AHCTF1: variants seen among roughly 807,000 people sequenced by gnomAD.
AHCTF1 encodes AT-hook containing transcription factor 1.
A neutral mutation model predicts 248.4 loss-of-function variants in AHCTF1; 24 were observed. The observed-to-expected ratio is 0.10, with a 90% confidence interval of 0.07 to 0.14. The LOEUF (loss-of-function observed/expected upper bound fraction) is 0.14. AHCTF1 is among the 10% of genes least tolerant of loss of function. AHCTF1 has a pLI of 1.00. For missense variants in AHCTF1, 2,206 were observed against 2,636.2 expected (o/e 0.84, Z 3.57); for synonymous variants, 786 against 929.8 (o/e 0.85, Z 2.81).
At chr1:246,893,689 C>T (rs1664371517) in intron 14 of AHCTF1, among the ~76,000 whole-genome samples, 1 of 152,158 alleles carries the variant, frequency 6.6e-6, no homozygotes, top group Non-Finnish European at 1.5e-5. Context: ...CATTTTTACC[C>T]TGCCATTCAA....
At chr1:246,916,517 T>G (rs528135003) in intron 2 of AHCTF1, 122 bp from the exon 3 acceptor site, 3 of 880,394 alleles carry the variant, frequency 3.4e-6, no homozygotes, top group Non-Finnish European at 5.2e-6. Flanking sequence ...ATCTCCACAT[T>G]GAAATCTTTT....
In AHCTF1 at chr1:246,873,342, T is replaced by C. The variant is rs797012157; in HGVS notation, c.3088+2695A>G. ...TTTTATTACTGTGGCTGATGGTCTC[T>C]GGAAAGACAATTCACTAGTCAATTT... On this transcript the variant is annotated intron_variant, in intron 24 of 35. Transcript: ENST00000648844. Among the ~76,000 whole-genome samples, 3 of 151,348 alleles carry C rather than the reference T, an allele frequency of 2.0e-5. No individual in the cohort carries two copies. The South Asian group carries it at 6.2e-4, about 31-fold the overall frequency.
chr1:246,906,661 C>T (rs1665417191), intron 5 of AHCTF1, among the ~76,000 whole-genome samples: 1 of 152,038 alleles, frequency 6.6e-6, no homozygotes, highest in African/African-American at 2.4e-5. Context: ...AGATAAATTA[C>T]TCAATAAAAT....
intron 24 of AHCTF1, among the ~76,000 whole-genome samples, chr1:246,870,126 A>G (rs764195885): frequency 6.6e-6 from 1 of 152,180 alleles, no homozygotes; most frequent in Non-Finnish European, 1.5e-5. Context: ...GATATGGGGG[A>G]AAGAGCAAGA....
rs185087376 is a variant in AHCTF1, at chr1:246,876,971, T to C, written c.2916A>G (p.Gln972=). The part of the protein sequence containing the change: ...ANYVPALKLN[Q]TLKINVMNDR... ...GTACCATAACATTAATCTTCAGAGT[T>C]TGGTTCAGCTTCAAGGCAGGCACAT... The change falls in exon 23 of 36, where the codon CAA becomes CAG. Residue 972 remains glutamine (Q), a synonymous_variant. Transcript: ENST00000648844. 1.2e-6 allele frequency: 2 copies of C among 1,611,980 alleles called. No individual in the cohort carries two copies. Among genetic ancestry groups the C allele is most frequent in the Admixed American group, 1.7e-5 (1 of 60,020 alleles).
chr1:246,873,007 TC>T (rs971692951), intron 24 of AHCTF1, among the ~76,000 whole-genome samples: 1 of 152,082 alleles, frequency 6.6e-6, no homozygotes, highest in African/African-American at 2.4e-5. Context: ...CTCACTCTTC[TC>T]CTAAGTTTCA....
At chr1:246,918,047 C>CTA (rs1468368492) in intron 2 of AHCTF1, among the ~76,000 whole-genome samples, 2 of 152,078 alleles carry the variant, frequency 1.3e-5, no homozygotes, top group African/African-American at 4.8e-5. Context: ...GAAAAATTAA[C>CTA]TATAACCCCC....
At chr1:246,887,159 T>C in intron 20 of AHCTF1, 52 bp downstream of exon 20, 1 of 1,541,274 alleles carries the variant, frequency 6.5e-7, no homozygotes, top group East Asian at 2.3e-5. Flanking sequence ...ATGTGTATTT[T>C]CTAAAATTCT....
intron 3 of AHCTF1, among the ~76,000 whole-genome samples, chr1:246,913,659 C>A (rs749273645): frequency 6.6e-6 from 1 of 152,170 alleles, no homozygotes; most frequent in African/African-American, 2.4e-5. Flanking sequence ...CTTACTGATA[C>A]GCCAGGCATT....
chr1:246,931,026 A>G (rs1468871391), intron 1 of AHCTF1: 1 of 1,431,202 alleles, frequency 7.0e-7, no homozygotes, highest in Non-Finnish European at 9.3e-7. Flanking sequence ...AAGCACCCCA[A>G]GATGTGCTTT....
chr1:246,863,033 T>C (rs1257142668), intron 27 of AHCTF1, among the ~76,000 whole-genome samples: 1 of 152,238 alleles, frequency 6.6e-6, no homozygotes, highest in Non-Finnish European at 1.5e-5. Context: ...TTCTAGACTA[T>C]TCTGGCAGCA....
chr1:246,895,785 G>A, intron 13 of AHCTF1, 50 bp downstream of exon 13: 1 of 1,419,806 alleles, frequency 7.0e-7, no homozygotes, highest in Non-Finnish European at 9.8e-7. Context: ...CAAATAGCAA[G>A]TTGATAACTT....
chr1:246,902,390 T>C, intron 8 of AHCTF1, 135 bp downstream of exon 8: 1 of 1,089,484 alleles, frequency 9.2e-7, no homozygotes, highest in Non-Finnish European at 1.3e-6. Flanking sequence ...TAGTATCTCA[T>C]ATAGAACTGA....
intron 11 of AHCTF1, 50 bp downstream of exon 11, chr1:246,899,401 T>TTCTAAGA (rs772544290): frequency 7.0e-6 from 10 of 1,424,810 alleles, no homozygotes; most frequent in Non-Finnish European, 9.7e-6. Flanking sequence ...ATCAACTATA[T>TTCTAAGA]TCTAAGATCT....
At chr1:246,846,861 C>CA (rs1330921328) in intron 33 of AHCTF1, among the ~76,000 whole-genome samples, 1 of 152,034 alleles carries the variant, frequency 6.6e-6, no homozygotes, top group African/African-American at 2.4e-5. Flanking sequence ...AAGCCATCCT[C>CA]ACACCTCAGC....
chr1:246,913,160 G>T, intron 4 of AHCTF1, 72 bp downstream of exon 4: 1 of 1,316,084 alleles, frequency 7.6e-7, no homozygotes, highest in Non-Finnish European at 1.0e-6. Context: ...AAAAAAATTT[G>T]GCTACTTTAA....
At chr1:246,914,290 A>G (rs1666000083) in intron 3 of AHCTF1, among the ~76,000 whole-genome samples, 1 of 152,224 alleles carries the variant, frequency 6.6e-6, no homozygotes, top group East Asian at 1.9e-4. Flanking sequence ...AATCTAAAAC[A>G]CTTCTAGTCC....
intron 33 of AHCTF1, among the ~76,000 whole-genome samples, chr1:246,848,314 C>T (rs1277580098): frequency 6.6e-6 from 1 of 151,824 alleles, no homozygotes; most frequent in African/African-American, 2.4e-5. Flanking sequence ...CCCAGGTTCA[C>T]ACCATTCTCC....
chr1:246,839,846 CGT>C lies in AHCTF1; in HGVS notation c.*958_*959del, dbSNP rs1659725956. 2 of 152,608 alleles carry C rather than the reference CGT, an allele frequency of 1.3e-5. No individual in the cohort carries two copies. The highest frequency in any genetic ancestry group is 4.8e-5 in the African/African-American group (2 of 41,424). The allele number at this position is 152,608 out of a possible 1,614,324, so 9.5% of individuals were successfully genotyped here. A position where few individuals can be genotyped will look rare whatever the true frequency, so the allele number is the denominator to read the frequency against. On this transcript the variant is annotated 3_prime_UTR_variant, in exon 36 of 36. Transcript: ENST00000648844. ...CACAGTTGTACTGTAGAGAACAGGG[CGT>C]GTGTTGTTTTTCTCCTTTTCTACAT...
Sources: gnomAD v4.1 joint callset for allele counts (sites outside exome capture counted in the v4.1 genomes callset) on GRCh38, gnomAD v4.1.1 for gene constraint, MANE v1.5 for transcripts, NCBI Gene and HGNC (gene_info 2026-07-23, HGNC 2026-07-21) for gene names.